BLOC1S6: variants seen among roughly 807,000 people sequenced by gnomAD.
BLOC1S6 encodes the protein biogenesis of lysosomal organelles complex 1 subunit 6.
In BLOC1S6, 24 loss-of-function variants were observed where a neutral mutation model predicts 24.7. The ratio of observed to expected loss-of-function variants is 0.97; its 90% CI spans 0.70 to 1.37. The LOEUF (loss-of-function observed/expected upper bound fraction) is 1.37. Among genes scored for constraint, BLOC1S6 ranks in the 40% most tolerant of loss-of-function variants. The probability of loss-of-function intolerance (pLI) is 0.00; values close to 1 mark genes in which losing one functional copy is unlikely to be tolerated. For missense variants in BLOC1S6, 175 were observed against 196.2 expected (o/e 0.89, Z 0.64); for synonymous variants, 76 against 72.6 (o/e 1.05, Z -0.23).
At chr15:45,605,752 C>G in intron 4 of BLOC1S6, 7 of 416,628 alleles carry the variant, frequency 1.7e-5, no homozygotes, top group Non-Finnish European at 2.7e-5. Flanking sequence ...ACCACACCCA[C>G]CTAATTTTTG....
rs778660769 is a variant in BLOC1S6 at position 45,587,473 on chromosome 15, C to A, written c.30C>A (p.Asp10Glu). The A allele has an allele frequency of 1.3e-6, 2 of 1,583,682 alleles. No homozygotes were observed. Among genetic ancestry groups the A allele is most frequent in the Admixed American group, 1.8e-5 (1 of 56,094 alleles). MSVPGPSSP[D>E]GALTRPPYCL... The stretch of plus-strand genomic sequence containing the variant: ...GTGTCCCTGGGCCGTCGTCTCCGGA[C>A]GGGGCCCTGACACGGCCACCCTACT... The change falls in exon 1 of 5, where the codon GAC becomes GAA. Residue 10 changes from aspartate to glutamate, a missense_variant. Transcript: ENST00000220531.
chr15:45,605,615 G>A lies in BLOC1S6; in HGVS notation c.399+101G>A, dbSNP rs904689899. On this transcript the variant is annotated intron_variant, in intron 4 of 4. Coordinates refer to ENST00000220531, the MANE Select transcript of BLOC1S6 (RefSeq NM_012388.4). ...GTATTCTTTTTTTTTTTGAGACGGA[G>A]TTTTGCTCTTGCCGCCCAGGCTGGA... 2.4e-5 allele frequency: 23 copies of A among 968,866 alleles called. No homozygotes were observed. The African/African-American group carries it at 3.8e-4, about 16-fold the overall frequency. The allele number at this position is 968,866 out of a possible 1,614,324, so 60.0% of individuals were successfully genotyped here. A position where few individuals can be genotyped will look rare whatever the true frequency, so the allele number is the denominator to read the frequency against.
intron 2 of BLOC1S6, among the ~76,000 whole-genome samples, chr15:45,600,604 T>C (rs1298596889): frequency 6.6e-6 from 1 of 152,210 alleles, no homozygotes; most frequent in East Asian, 1.9e-4. Context: ...GTAGATTACA[T>C]TGATTGAATT....
chr15:45,600,074 C>T (rs945366279), intron 2 of BLOC1S6, among the ~76,000 whole-genome samples: 4 of 147,868 alleles, frequency 2.7e-5, no homozygotes, highest in African/African-American at 7.6e-5. Context: ...AGTAAACTAT[C>T]GCAAGAACAA....
upstream of BLOC1S6, chr15:45,587,290 C>G (rs1420888361): frequency 1.2e-5 from 9 of 740,938 alleles, no homozygotes; most frequent in Non-Finnish European, 2.1e-5. Context: ...AGCCAACTCT[C>G]GAGCGCGTGA....
At chr15:45,589,970 GTTA>G (rs980309133) in intron 1 of BLOC1S6, among the ~76,000 whole-genome samples, 2 of 152,140 alleles carry the variant, frequency 1.3e-5, no homozygotes, top group African/African-American at 4.8e-5. Context: ...TGAATTAGTT[GTTA>G]TTCCTTAAAG....
At chr15:45,602,276 C>T (rs942575592) in intron 2 of BLOC1S6, 3 of 612,316 alleles carry the variant, frequency 4.9e-6, no homozygotes, top group South Asian at 3.8e-5. Flanking sequence ...TGAGCCTGTT[C>T]GTTGTTATTT....
rs1276107511 is a variant in BLOC1S6, at chr15:45,608,684, A to G, written c.*2170A>G. 2 of 152,240 alleles carry G rather than the reference A, an allele frequency of 1.3e-5. No individual in the cohort carries two copies. Among genetic ancestry groups the G allele is most frequent in the Non-Finnish European group, 2.9e-5 (2 of 68,040 alleles). 9.4% of individuals were successfully genotyped at this position (152,240 alleles called of 1,614,324 possible). A position where few individuals can be genotyped will look rare whatever the true frequency, so the allele number is the denominator to read the frequency against. ...AACCTGGGAACGTTAAAAAAAATAC[A>G]GACATTCTTGATTCTTAGTGTAGTT... On this transcript the variant is annotated 3_prime_UTR_variant, in exon 5 of 5. Transcript: ENST00000220531.
rs1035450132 is a variant in BLOC1S6, at chr15:45,608,197, T to A, written c.*1683T>A. The A allele has an allele frequency of 7.9e-5, 12 of 152,670 alleles. No individual in the cohort carries two copies. Among genetic ancestry groups the A allele is most frequent in the Non-Finnish European group, 1.3e-4 (9 of 68,048 alleles). The allele number at this position is 152,670 out of a possible 1,614,324, so 9.5% of individuals were successfully genotyped here. ...TTTAAGTTGAGGGCTAAGAACTGGTTTGTTTAAAGGTTTAAATTGTTGGAA... is the reference window on the plus strand; with the variant it reads ...TTTAAGTTGAGGGCTAAGAACTGGTATGTTTAAAGGTTTAAATTGTTGGAA... On this transcript the variant is annotated 3_prime_UTR_variant, in exon 5 of 5. Coordinates refer to ENST00000220531, the MANE Select transcript of BLOC1S6 (RefSeq NM_012388.4).
intron 3 of BLOC1S6, among the ~76,000 whole-genome samples, chr15:45,604,407 G>A (rs1163940223): frequency 1.3e-5 from 2 of 152,280 alleles, no homozygotes; most frequent in East Asian, 1.9e-4. Flanking sequence ...TCTTGCGAGG[G>A]AGGTGGGCAA....
intron 4 of BLOC1S6, 85 bp downstream of exon 4, chr15:45,605,599 T>G (rs946248956): frequency 8.8e-7 from 1 of 1,135,200 alleles, no homozygotes; most frequent in Non-Finnish European, 1.3e-6. Flanking sequence ...AGTATTCTTT[T>G]TTTTTTTGAG....
rs1056958185 is a variant in BLOC1S6, at chr15:45,608,984, A to G, written c.*2470A>G. On this transcript the variant is annotated 3_prime_UTR_variant, in exon 5 of 5. Transcript: ENST00000220531. The stretch of plus-strand genomic sequence containing the variant: ...TGTGACCTGTTTAAAAACAAATCAA[A>G]TTTATTGAACAAATGACAAGGCACA... 6.6e-6 allele frequency: 1 copy of G among 152,230 alleles called. No homozygotes were observed. The highest frequency in any genetic ancestry group is 2.4e-5 in the African/African-American group (1 of 41,462). The allele number at this position is 152,230 out of a possible 1,614,324, so 9.4% of individuals were successfully genotyped here.
chr15:45,606,835 C>T lies in BLOC1S6; in HGVS notation c.*321C>T. The T allele has an allele frequency of 3.4e-6, 1 of 297,706 alleles. No individual in the cohort carries two copies. The highest frequency in any genetic ancestry group is 6.3e-6 in the Non-Finnish European group (1 of 159,950). 18.4% of individuals were successfully genotyped at this position (297,706 alleles called of 1,614,324 possible). On this transcript the variant is annotated 3_prime_UTR_variant, in exon 5 of 5. Coordinates refer to ENST00000220531, the MANE Select transcript of BLOC1S6 (RefSeq NM_012388.4). ...TTAAAAATTAGTATGAATTTTTTAG[C>T]TTCTTAATGAATATGGATTTAAAAC...
At chr15:45,599,855 C>T (rs2140912570) in intron 2 of BLOC1S6, among the ~76,000 whole-genome samples, 1 of 136,654 alleles carries the variant, frequency 7.3e-6, no homozygotes, top group East Asian at 2.1e-4. Context: ...GACTATAAAT[C>T]ATGCTGCTAT....
In BLOC1S6 at chr15:45,608,040, C is replaced by T. The variant is rs890054937; in HGVS notation, c.*1526C>T. The T allele has an allele frequency of 1.3e-5, 2 of 152,576 alleles. No individual in the cohort carries two copies. The highest frequency in any genetic ancestry group is 4.8e-5 in the African/African-American group (2 of 41,428). 9.5% of individuals were successfully genotyped at this position (152,576 alleles called of 1,614,324 possible). A position where few individuals can be genotyped will look rare whatever the true frequency, so the allele number is the denominator to read the frequency against. ...TAATATCCAACTGGTCTCCAATCTC[C>T]ATTACATAGGGACTGTACAGAGCCT... On this transcript the variant is annotated 3_prime_UTR_variant, in exon 5 of 5. Coordinates refer to ENST00000220531, the MANE Select transcript of BLOC1S6 (RefSeq NM_012388.4).
At chr15:45,602,392 A>G (rs1894302697) in intron 2 of BLOC1S6, 3 of 674,236 alleles carry the variant, frequency 4.4e-6, no homozygotes, top group Non-Finnish European at 8.0e-6. Flanking sequence ...GACCCTTTTA[A>G]TGTCACTTAT....
chr15:45,588,330 C>T (rs1157036072), intron 1 of BLOC1S6, among the ~76,000 whole-genome samples: 1 of 152,220 alleles, frequency 6.6e-6, no homozygotes, highest in Non-Finnish European at 1.5e-5. Context: ...GGGCCCCTCT[C>T]TTAACTCTTG....
chr15:45,596,304 C>G (rs1324666812), intron 2 of BLOC1S6, among the ~76,000 whole-genome samples: 1 of 151,864 alleles, frequency 6.6e-6, no homozygotes, highest in Non-Finnish European at 1.5e-5. Context: ...CTCAAGTGAT[C>G]CTTCCATCTC....
intron 3 of BLOC1S6, 143 bp from the exon 4 acceptor site, chr15:45,605,285 T>C (rs1371068376): frequency 1.6e-6 from 1 of 636,702 alleles, no homozygotes; most frequent in Non-Finnish European, 2.8e-6. Flanking sequence ...ATCTTTATTT[T>C]GGAATTAAAA....
Sources: gnomAD v4.1 joint callset for allele counts (sites outside exome capture counted in the v4.1 genomes callset) on GRCh38, gnomAD v4.1.1 for gene constraint, MANE v1.5 for transcripts, NCBI Gene and HGNC (gene_info 2026-07-23, HGNC 2026-07-21) for gene names.